Variants in CNTN5 observed in about 807,000 individuals in gnomAD.
The protein encoded by CNTN5 is contactin 5, also known as contactin-5.
In CNTN5, 77 loss-of-function variants were observed where a neutral mutation model predicts 129.1. That is an observed-to-expected ratio of 0.60 (90% CI 0.50 to 0.72). The LOEUF is 0.72. Ranked by LOEUF, CNTN5 falls within the 30% of genes least tolerant of loss-of-function variation. The pLI is 0.00. For missense variants in CNTN5, 1,478 were observed against 1,328.8 expected (o/e 1.11, Z -1.75); for synonymous variants, 509 against 465.6 (o/e 1.09, Z -1.20).
chr11:100,267,914 G>A (rs1239999172), intron 17 of CNTN5, among the ~76,000 whole-genome samples: 1 of 152,172 alleles, frequency 6.6e-6, no homozygotes, highest in East Asian at 1.9e-4. Context: ...CAATGTGACA[G>A]AAGCTTGGTG....
chr11:99,462,687 A>C (rs1017159505), intron 2 of CNTN5, among the ~76,000 whole-genome samples: 4 of 152,072 alleles, frequency 2.6e-5, no homozygotes, highest in African/African-American at 9.7e-5. Context: ...CCTTGCTAAC[A>C]CCTGAAACCT....
At chr11:99,578,364 A>G (rs1046642980) in intron 3 of CNTN5, among the ~76,000 whole-genome samples, 1 of 149,210 alleles carries the variant, frequency 6.7e-6, no homozygotes, top group African/African-American at 2.5e-5. Flanking sequence ...TAGTTGGGTC[A>G]AATGGTATTT....
chr11:100,055,050 AAG>A (rs1555186719), intron 9 of CNTN5, among the ~76,000 whole-genome samples: 2 of 141,402 alleles, frequency 1.4e-5, no homozygotes, highest in African/African-American at 5.3e-5. Flanking sequence ...AAAAAAAAAA[AAG>A]GCAAATGTAT....
chr11:99,949,314 C>T (rs1008934327), intron 7 of CNTN5, among the ~76,000 whole-genome samples: 4 of 152,074 alleles, frequency 2.6e-5, no homozygotes, highest in African/African-American at 9.7e-5. Context: ...CAAAGTTGAA[C>T]GGAGTCCATG....
chr11:99,985,437 A>G lies in CNTN5; in HGVS notation c.878-16597A>G, dbSNP rs539268699. 7.7e-4 allele frequency among the ~76,000 whole-genome samples: 117 copies of G among 152,156 alleles called. 1 individual carries two copies. The highest frequency in any genetic ancestry group is 3.4e-3 in the Middle Eastern group (1 of 294). Reference sequence around the variant, plus strand: ...CTCTCTGAAGTCAAGTCACCTCTCTATCCTCTACTGACTGTGTCTGGGGTC... The same window carrying G: ...CTCTCTGAAGTCAAGTCACCTCTCTGTCCTCTACTGACTGTGTCTGGGGTC... On this transcript the variant is annotated intron_variant, in intron 8 of 24. Coordinates refer to ENST00000524871, the MANE Select transcript of CNTN5 (RefSeq NM_014361.4).
chr11:99,150,644 C>T (rs1860009173), intron 1 of CNTN5, among the ~76,000 whole-genome samples: 1 of 151,802 alleles, frequency 6.6e-6, no homozygotes, highest in Non-Finnish European at 1.5e-5. Flanking sequence ...AATAAATTCT[C>T]ATGTTTTATT....
chr11:100,013,298 G>A (rs943241011), intron 9 of CNTN5, among the ~76,000 whole-genome samples: 1 of 152,074 alleles, frequency 6.6e-6, no homozygotes, highest in African/African-American at 2.4e-5. Context: ...ACACAATATA[G>A]CCATGTAACC....
chr11:99,947,969 T>C (rs1470962752), intron 7 of CNTN5, among the ~76,000 whole-genome samples: 1 of 152,226 alleles, frequency 6.6e-6, no homozygotes, highest in Admixed American at 6.5e-5. Flanking sequence ...ATTCGTGTTA[T>C]GTATAAATGA....
intron 2 of CNTN5, among the ~76,000 whole-genome samples, chr11:99,339,776 C>G (rs2656211): frequency 6.6e-6 from 1 of 150,726 alleles, no homozygotes; most frequent in Non-Finnish European, 1.5e-5. Flanking sequence ...AGTGAGACTC[C>G]GACTCAAAAA....
rs1224040469 is a variant in CNTN5 at position 99,981,785 on chromosome 11, T to C, written c.878-20249T>C. On this transcript the variant is annotated intron_variant, in intron 8 of 24. Coordinates refer to ENST00000524871, the MANE Select transcript of CNTN5 (RefSeq NM_014361.4). ...CATTCTATGCCATAAGTATAATCAA[T>C]GTTTAAAACTAGCTCTTATCACTAT... Among the ~76,000 whole-genome samples, 3 of 152,178 alleles carry C rather than the reference T, an allele frequency of 2.0e-5. No individual in the cohort carries two copies. The East Asian group carries it at 5.8e-4, about 29-fold the overall frequency.
rs548755813 is a variant in CNTN5 at position 99,326,625 on chromosome 11, T to C, written c.-71+1141T>C. ...TCGTTGCAGAAAATGTTACTTTCCA[T>C]GTGTCTTTTATTCATTTCATTAAAT... is the stretch of plus-strand genomic sequence containing the variant. On this transcript the variant is annotated intron_variant, in intron 2 of 24. Transcript: ENST00000524871. Among the ~76,000 whole-genome samples, 19 of 152,344 alleles carry C rather than the reference T, an allele frequency of 1.2e-4. No homozygotes were observed. In the South Asian group the frequency reaches 2.3e-3, roughly 18 times the overall value.
Position 100,269,895 on chromosome 11 carries a change from G to A in CNTN5, c.2165-1197G>A, listed in dbSNP as rs1045078962. ...ACAGTGTAGGTTCTGGGCTAGAGAA[G>A]GCTGAGCATGATCTGGGAATGCCTT... On this transcript the variant is annotated intron_variant, in intron 17 of 24. Coordinates refer to ENST00000524871, the MANE Select transcript of CNTN5 (RefSeq NM_014361.4). Among the ~76,000 whole-genome samples the A allele has an allele frequency of 4.6e-5, 7 of 152,084 alleles. No homozygotes were observed. In the South Asian group the frequency reaches 8.3e-4, roughly 18 times the overall value.
chr11:99,162,460 T>C (rs1285974431), intron 1 of CNTN5, among the ~76,000 whole-genome samples: 1 of 152,148 alleles, frequency 6.6e-6, no homozygotes, highest in Non-Finnish European at 1.5e-5. Context: ...TTCTGGGTCA[T>C]GCTTGGTGAA....
At chr11:99,506,562 G>A (rs1322980940) in intron 2 of CNTN5, among the ~76,000 whole-genome samples, 2 of 151,428 alleles carry the variant, frequency 1.3e-5, no homozygotes, top group East Asian at 3.9e-4. Context: ...CAAACAATGA[G>A]TAAATACTTA....
chr11:100,109,187 G>A lies in CNTN5; in HGVS notation c.1580+34893G>A, dbSNP rs536260544. The stretch of plus-strand genomic sequence containing the variant: ...TCACTCCTGTCATCCCAGCACTTTG[G>A]GAGGTCGAGGCGGATGGATCACGAA... On this transcript the variant is annotated intron_variant, in intron 13 of 24. Transcript: ENST00000524871. 3.3e-5 allele frequency among the ~76,000 whole-genome samples: 5 copies of A among 152,268 alleles called. No individual in the cohort carries two copies. In the South Asian group the frequency reaches 1.0e-3, roughly 32 times the overall value.
chr11:99,996,443 A>T (rs1939449752), intron 8 of CNTN5, among the ~76,000 whole-genome samples: 1 of 152,002 alleles, frequency 6.6e-6, no homozygotes, highest in Non-Finnish European at 1.5e-5. Flanking sequence ...TTTTCATTCC[A>T]TCCATATATT....
intron 6 of CNTN5, among the ~76,000 whole-genome samples, chr11:99,878,971 C>T (rs759792748): frequency 3.9e-5 from 6 of 151,994 alleles, no homozygotes; most frequent in East Asian, 1.9e-4. Context: ...CTGGCTCTGT[C>T]GCTCGCGCTG....
chr11:99,393,624 G>A (rs891206686), intron 2 of CNTN5, among the ~76,000 whole-genome samples: 1 of 151,660 alleles, frequency 6.6e-6, no homozygotes, highest in Non-Finnish European at 1.5e-5. Context: ...TCTACTGATT[G>A]TCCTTTTCTG....
At chr11:99,675,332 A>T (rs777097770) in intron 3 of CNTN5, among the ~76,000 whole-genome samples, 1 of 152,118 alleles carries the variant, frequency 6.6e-6, no homozygotes, top group South Asian at 2.1e-4. Flanking sequence ...TAAAGAAGTC[A>T]TCTGTGGGAG....
Sources: allele counts gnomAD v4.1 joint callset (sites outside exome capture counted in the v4.1 genomes callset), GRCh38; gene constraint gnomAD v4.1.1; transcripts MANE v1.5; gene names NCBI Gene and HGNC (gene_info 2026-07-23, HGNC 2026-07-21).